DIS3L2: variants seen among roughly 807,000 people sequenced by gnomAD.
DIS3L2 encodes DIS3 like 3'-5' exoribonuclease 2, also known as DIS3-like exonuclease 2.
Under a neutral mutation model 97.5 loss-of-function variants are expected in DIS3L2, and 34 were observed. That is an observed-to-expected ratio of 0.35 (90% CI 0.27 to 0.46). The LOEUF (loss-of-function observed/expected upper bound fraction) is 0.46. Among genes scored for constraint, DIS3L2 ranks in the 20% least tolerant of loss-of-function variants. The pLI is 1.00. For synonymous variants in DIS3L2, 435 were observed against 445.2 expected, an observed-to-expected ratio of 0.98 and a Z score of 0.29; for missense variants, 1,038 against 1,146.0, an observed-to-expected ratio of 0.91 and a Z score of 1.36.
intron 9 of DIS3L2, among the ~76,000 whole-genome samples, chr2:232,171,103 A>C (rs1690976557): frequency 1.3e-5 from 2 of 152,160 alleles, no homozygotes; most frequent in Admixed American, 1.3e-4. Flanking sequence ...TAGCTAGGTG[A>C]TTTTAGGCAA....
intron 1 of DIS3L2, among the ~76,000 whole-genome samples, chr2:231,995,398 A>T (rs1693705034): frequency 6.6e-6 from 1 of 152,146 alleles, no homozygotes; most frequent in South Asian, 2.1e-4. Flanking sequence ...GAATGTTCAG[A>T]GGAGACTTTC....
intron 1 of DIS3L2, among the ~76,000 whole-genome samples, chr2:231,965,181 A>G (rs1692676079): frequency 6.6e-6 from 1 of 152,200 alleles, no homozygotes; most frequent in South Asian, 2.1e-4. Context: ...GGTTTATATG[A>G]AACACCACAG....
At chr2:232,154,204 G>A (rs1448889079) in intron 8 of DIS3L2, among the ~76,000 whole-genome samples, 26 of 25,058 alleles carry the variant, frequency 1.0e-3, no homozygotes, top group African/African-American at 4.2e-3. Flanking sequence ...CTCTCAGCTC[G>A]TCAAAATCAT....
chr2:231,970,445 A>G (rs1289858185), intron 1 of DIS3L2, among the ~76,000 whole-genome samples: 2 of 152,244 alleles, frequency 1.3e-5, no homozygotes, highest in African/African-American at 2.4e-5. Context: ...TGTGGCGCTT[A>G]GGCTACAAAA....
intron 14 of DIS3L2, among the ~76,000 whole-genome samples, chr2:232,311,177 G>A (rs887671351): frequency 6.6e-6 from 1 of 152,202 alleles, no homozygotes; most frequent in South Asian, 2.1e-4. Context: ...GCAAAAATCG[G>A]CAGATTGTGC....
downstream of DIS3L2, among the ~76,000 whole-genome samples, chr2:232,341,742 G>T (rs1696105287): frequency 6.6e-6 from 1 of 152,224 alleles, no homozygotes; most frequent in Non-Finnish European, 1.5e-5. Flanking sequence ...GGGCTGCTAA[G>T]CTAATATGGC....
At chr2:232,331,312 C>T (rs1474395249) in intron 16 of DIS3L2, among the ~76,000 whole-genome samples, 1 of 152,190 alleles carries the variant, frequency 6.6e-6, no homozygotes, top group East Asian at 1.9e-4. Context: ...CCATGCAGGG[C>T]CCGAGCATCC....
At chr2:231,968,886 C>T (rs992391479) in intron 1 of DIS3L2, among the ~76,000 whole-genome samples, 10 of 152,278 alleles carry the variant, frequency 6.6e-5, no homozygotes, top group South Asian at 2.1e-4. Flanking sequence ...GTAATCCCTA[C>T]GTGTCGAGGG....
chr2:232,298,870 T>G (rs1176077928), intron 13 of DIS3L2, among the ~76,000 whole-genome samples: 1 of 152,216 alleles, frequency 6.6e-6, no homozygotes, highest in African/African-American at 2.4e-5. Flanking sequence ...TGTTGGAAGT[T>G]CAGCACTCAC....
At chr2:232,019,051 A>G (rs373995726) in intron 3 of DIS3L2, among the ~76,000 whole-genome samples, 4 of 152,186 alleles carry the variant, frequency 2.6e-5, no homozygotes, top group Non-Finnish European at 5.9e-5. Flanking sequence ...GGGTATGAAC[A>G]TGGCAGAATT....
chr2:232,101,050 A>G (rs879328488), intron 6 of DIS3L2, among the ~76,000 whole-genome samples: 8 of 152,008 alleles, frequency 5.3e-5, no homozygotes, highest in Non-Finnish European at 1.2e-4. Flanking sequence ...AGCCTGGACA[A>G]CGTGGTGAAA....
At chr2:232,028,174 G>A (rs1411819518) in intron 4 of DIS3L2, among the ~76,000 whole-genome samples, 1 of 152,008 alleles carries the variant, frequency 6.6e-6, no homozygotes, top group Admixed American at 6.6e-5. Context: ...ATTACCACAT[G>A]CCCACCTCCC....
chr2:232,131,983 C>T (rs1283298491), intron 7 of DIS3L2: 13 of 42,044 alleles, frequency 3.1e-4, no homozygotes, highest in Admixed American at 7.1e-4. Flanking sequence ...CGTCGGTGGG[C>T]GGGGGTGGGG....
intron 5 of DIS3L2, among the ~76,000 whole-genome samples, chr2:232,066,383 ATTCTT>A (rs1211344120): frequency 6.6e-6 from 1 of 152,020 alleles, no homozygotes; most frequent in African/African-American, 2.4e-5. Context: ...GACTATACAG[ATTCTT>A]TTCTTTTTCC....
rs572216591 is a variant in DIS3L2, at chr2:232,282,328, G to A, written c.1660-17712G>A. 1.2e-4 allele frequency among the ~76,000 whole-genome samples: 18 copies of A among 152,234 alleles called. No homozygotes were observed. The East Asian group carries it at 1.5e-3, about 13-fold the overall frequency. Reference sequence around the variant, plus strand: ...CATGGGGTGACCCCACCATCAGGAGGAGTGCCCCCCATCCCACCCCTGCTG... The same window carrying A: ...CATGGGGTGACCCCACCATCAGGAGAAGTGCCCCCCATCCCACCCCTGCTG... On this transcript the variant is annotated intron_variant, in intron 13 of 20. Transcript: ENST00000325385.
At chr2:231,993,978 T>C (rs927107270) in intron 1 of DIS3L2, among the ~76,000 whole-genome samples, 1 of 152,110 alleles carries the variant, frequency 6.6e-6, no homozygotes, top group African/African-American at 2.4e-5. Flanking sequence ...TTTTCTCTTA[T>C]GTTCTCCTCT....
chr2:232,095,671 A>G (rs3100587), intron 6 of DIS3L2, among the ~76,000 whole-genome samples: 118,495 of 152,102 alleles, frequency 0.78, 46,799 homozygotes, highest in African/African-American at 0.9. Context: ...GTACCTTCAG[A>G]TGATTTTTTA....
chr2:232,210,447 C>G, intron 10 of DIS3L2, 42 bp downstream of exon 10: 1 of 1,556,076 alleles, frequency 6.4e-7, no homozygotes, highest in Non-Finnish European at 8.9e-7. Flanking sequence ...AGCAGGCAGT[C>G]TGCATGCCTG....
chr2:232,133,399 G>T (rs950473371), intron 7 of DIS3L2, among the ~76,000 whole-genome samples: 2 of 152,194 alleles, frequency 1.3e-5, no homozygotes, highest in African/African-American at 4.8e-5. Flanking sequence ...GGACCTGCAT[G>T]TTAAACCCCA....
Sources: gnomAD v4.1 joint callset for allele counts (sites outside exome capture counted in the v4.1 genomes callset) on GRCh38, gnomAD v4.1.1 for gene constraint, MANE v1.5 for transcripts, NCBI Gene and HGNC (gene_info 2026-07-23, HGNC 2026-07-21) for gene names.